The following UBN2 variants were observed in gnomAD, a reference collection of about 807,000 sequenced individuals.
UBN2 encodes the protein ubinuclein-2.
A neutral mutation model predicts 120.2 loss-of-function variants in UBN2; 35 were observed. That is an observed-to-expected ratio of 0.29 (90% confidence interval 0.22 to 0.39). The LOEUF (loss-of-function observed/expected upper bound fraction) is 0.39, where lower values mean the gene tolerates loss of function less well. Among genes scored for constraint, UBN2 ranks in the 10% least tolerant of loss-of-function variants. The probability of loss-of-function intolerance (pLI) is 1.00; values close to 1 mark genes in which losing one functional copy is unlikely to be tolerated. For missense variants in UBN2, 1,693 were observed against 1,663.2 expected, an observed-to-expected ratio of 1.02 and a Z score of -0.31; for synonymous variants, 661 against 648.7, an observed-to-expected ratio of 1.02 and a Z score of -0.29.
intron 2 of UBN2, among the ~76,000 whole-genome samples, chr7:139,248,135 T>C (rs1796522158): frequency 6.6e-6 from 1 of 152,228 alleles, no homozygotes; most frequent in Admixed American, 6.5e-5. Flanking sequence ...TATTGCTTTC[T>C]ATGGCATAAG....
intron 2 of UBN2, among the ~76,000 whole-genome samples, chr7:139,247,155 G>T (rs1165766832): frequency 1.5e-5 from 2 of 136,584 alleles, no homozygotes; most frequent in African/African-American, 5.3e-5. Flanking sequence ...AGCTTTAAAG[G>T]AAAAAAAAAA....
chr7:139,294,374 A>G (rs1448430241), intron 17 of UBN2, among the ~76,000 whole-genome samples: 1 of 152,194 alleles, frequency 6.6e-6, no homozygotes, highest in African/African-American at 2.4e-5. Flanking sequence ...ATAGATGACG[A>G]TCTCCATTTT....
intron 11 of UBN2, among the ~76,000 whole-genome samples, chr7:139,275,723 T>C (rs1283231886): frequency 1.3e-5 from 2 of 152,108 alleles, no homozygotes; most frequent in South Asian, 2.1e-4. Flanking sequence ...CTCAGCACTT[T>C]AGGAGGCCAA....
the UBN2 span, among the ~76,000 whole-genome samples, chr7:139,319,003 G>A: frequency 1.1e-4 from 16 of 152,226 alleles, no homozygotes; most frequent in Admixed American, 3.9e-4. Context: ...TCAGGGTTGC[G>A]TTTTTCATTC....
chr7:139,285,767 G>A (rs920638448), intron 15 of UBN2, among the ~76,000 whole-genome samples: 4 of 151,858 alleles, frequency 2.6e-5, no homozygotes, highest in Non-Finnish European at 5.9e-5. Flanking sequence ...CCCTAAGACA[G>A]AGTCTCGCTC....
intron 2 of UBN2, among the ~76,000 whole-genome samples, chr7:139,238,221 C>T (rs1460876605): frequency 1.3e-5 from 2 of 152,184 alleles, no homozygotes; most frequent in Admixed American, 6.5e-5. Context: ...TCACATTGGC[C>T]TTGTCATTGA....
At chr7:139,294,217 C>T (rs557070448) in intron 17 of UBN2, among the ~76,000 whole-genome samples, 249 of 152,118 alleles carry the variant, frequency 1.6e-3, no homozygotes, top group African/African-American at 4.9e-3. Context: ...GTGGAAATGA[C>T]GACTAATCAG....
In UBN2 at chr7:139,298,731, C is replaced by G. The variant is rs753717042; in HGVS notation, c.*895C>G. 9 of 152,022 alleles carry G rather than the reference C, an allele frequency of 5.9e-5. No homozygotes were observed. The highest frequency in any genetic ancestry group is 1.2e-4 in the Non-Finnish European group (8 of 67,994). The allele number at this position is 152,022 out of a possible 1,614,324, so 9.4% of individuals were successfully genotyped here. On this transcript the variant is annotated 3_prime_UTR_variant, in exon 18 of 18. Transcript: ENST00000473989. The stretch of plus-strand genomic sequence containing the variant: ...AATGGGGATCTTTACAGGGTTATTG[C>G]TTTGCTGCTTTTAGCCCTTGCAGCA...
the UBN2 span, among the ~76,000 whole-genome samples, chr7:139,324,555 C>CAAAAA: frequency 6.0e-4 from 41 of 68,812 alleles, no homozygotes; most frequent in Non-Finnish European, 6.8e-4. Flanking sequence ...GACTCCATCT[C>CAAAAA]AAAAAAAAAA....
chr7:139,291,121 G>A lies in UBN2; in HGVS notation c.3670-2111G>A, dbSNP rs541707942. Among the ~76,000 whole-genome samples the A allele has an allele frequency of 2.0e-5, 3 of 152,168 alleles. No homozygotes were observed. The South Asian group carries it at 6.2e-4, about 32-fold the overall frequency. On this transcript the variant is annotated intron_variant, in intron 15 of 17. Transcript: ENST00000473989. ...CACGCATGTAATCCCAGCACTTTGG[G>A]AGGCTGAGGCAGGCGGATCACTTGA...
chr7:139,275,855 A>G (rs1350691274), intron 11 of UBN2, among the ~76,000 whole-genome samples: 2 of 152,170 alleles, frequency 1.3e-5, no homozygotes, highest in Non-Finnish European at 2.9e-5. Context: ...CACACCTGTA[A>G]TTCCAGCTTC....
At chr7:139,275,214 G>A (rs554553721) in intron 11 of UBN2, among the ~76,000 whole-genome samples, 3 of 145,578 alleles carry the variant, frequency 2.1e-5, no homozygotes, top group East Asian at 4.1e-4. Context: ...GGAGGCAGAG[G>A]TTACAGTGAG....
At chr7:139,275,968 C>T (rs1797430799) in intron 11 of UBN2, 129 bp from the exon 12 acceptor site, 1 of 715,462 alleles carries the variant, frequency 1.4e-6, no homozygotes, top group Non-Finnish European at 2.4e-6. Context: ...TATACTGTAC[C>T]ATTATAACTT....
the UBN2 span, among the ~76,000 whole-genome samples, chr7:139,316,765 A>G: frequency 2.5e-4 from 37 of 150,836 alleles, 1 homozygote; most frequent in African/African-American, 5.1e-4. Flanking sequence ...AAAATTATGT[A>G]TGTGTGTGTG....
the UBN2 span, among the ~76,000 whole-genome samples, chr7:139,325,500 C>T: frequency 1.3e-5 from 2 of 152,064 alleles, no homozygotes; most frequent in Admixed American, 6.6e-5. Flanking sequence ...AACCCTTGAC[C>T]TCAAGTGATC....
chr7:139,287,305 A>G (rs1219616667), intron 15 of UBN2, among the ~76,000 whole-genome samples: 1 of 152,172 alleles, frequency 6.6e-6, no homozygotes, highest in Admixed American at 6.5e-5. Context: ...GTTTTTAAAT[A>G]ATAATAAATG....
chr7:139,251,184 A>AAAT (rs1056566450), intron 2 of UBN2, among the ~76,000 whole-genome samples: 1 of 152,162 alleles, frequency 6.6e-6, no homozygotes, highest in East Asian at 1.9e-4. Context: ...ATCTTTAAAA[A>AAAT]AATAATAATA....
chr7:139,279,050 C>T (rs7783254), intron 12 of UBN2, among the ~76,000 whole-genome samples: 38,277 of 151,548 alleles, frequency 0.25, 8,449 homozygotes, highest in African/African-American at 0.59. Context: ...TTTGGGGGGG[C>T]TATTTTATGG....
chr7:139,237,156 G>A, intron 2 of UBN2, 59 bp downstream of exon 2: 3 of 1,297,216 alleles, frequency 2.3e-6, no homozygotes, highest in Non-Finnish European at 3.3e-6. Flanking sequence ...TTTGCTTTCT[G>A]TGGCTGGTTG....
Sources: allele counts gnomAD v4.1 joint callset (sites outside exome capture counted in the v4.1 genomes callset), GRCh38; gene constraint gnomAD v4.1.1; transcripts MANE v1.5; gene names NCBI Gene and HGNC (gene_info 2026-07-23, HGNC 2026-07-21).